Variants in ARHGEF10 observed in about 807,000 individuals in gnomAD.
The protein encoded by ARHGEF10 is Rho guanine nucleotide exchange factor 10, also known as Rho guanine nucleotide exchange factor (GEF) 10.
A neutral mutation model predicts 147.4 loss-of-function variants in ARHGEF10; 140 were observed. That is an observed-to-expected ratio of 0.95 (90% CI 0.83 to 1.09). ARHGEF10 has a LOEUF of 1.09. Ranked by LOEUF, ARHGEF10 falls within the 50% of genes least tolerant of loss-of-function variation. ARHGEF10 has a pLI of 0.00. For synonymous variants in ARHGEF10, 902 were observed against 695.8 expected, an observed-to-expected ratio of 1.30 and a Z score of -4.67; for missense variants, 2,222 against 1,752.7, an observed-to-expected ratio of 1.27 and a Z score of -4.78.
intron 4 of ARHGEF10, among the ~76,000 whole-genome samples, chr8:1,862,554 A>T (rs1291860116): frequency 6.6e-6 from 1 of 152,018 alleles, no homozygotes; most frequent in Non-Finnish European, 1.5e-5. Context: ...AATTTCCCGG[A>T]AGGCGGAGGA....
chr8:1,919,461 G>C (rs1369251459), intron 18 of ARHGEF10, among the ~76,000 whole-genome samples: 1 of 145,704 alleles, frequency 6.9e-6, no homozygotes, highest in African/African-American at 2.8e-5. Context: ...CTGTTCCATG[G>C]GTGATGGAGC....
rs1047198962 is a variant in ARHGEF10, at chr8:1,869,765, G to A, written c.679+515G>A. Reference sequence around the variant, plus strand: ...CAGGCCCAGGGTGAATCTCCCGAGAGCAACTGGAGAGAAAACATGGCTGCC... The same window carrying A: ...CAGGCCCAGGGTGAATCTCCCGAGAACAACTGGAGAGAAAACATGGCTGCC... On this transcript the variant is annotated intron_variant, in intron 7 of 28. Coordinates refer to ENST00000349830, the MANE Select transcript of ARHGEF10 (RefSeq NM_014629.4). 1.4e-5 allele frequency: 3 copies of A among 208,850 alleles called. No homozygotes were observed. The East Asian group carries it at 3.7e-4, about 26-fold the overall frequency. The allele number at this position is 208,850 out of a possible 1,614,324, so 12.9% of individuals were successfully genotyped here.
intron 1 of ARHGEF10, among the ~76,000 whole-genome samples, chr8:1,832,633 G>C (rs1229696000): frequency 2.2e-5 from 1 of 45,344 alleles, no homozygotes; most frequent in Non-Finnish European, 4.6e-5. Context: ...GAGAGAGACA[G>C]AGGCAGAGGC....
chr8:1,947,947 A>G (rs1002451861), intron 27 of ARHGEF10, among the ~76,000 whole-genome samples: 6 of 151,988 alleles, frequency 3.9e-5, no homozygotes, highest in African/African-American at 1.2e-4. Flanking sequence ...TCCTGCACCC[A>G]CCCAGAAACA....
chr8:1,895,156 C>G (rs1809870327), intron 13 of ARHGEF10, among the ~76,000 whole-genome samples: 2 of 152,218 alleles, frequency 1.3e-5, no homozygotes, highest in African/African-American at 2.4e-5. Flanking sequence ...CACTTCCTGG[C>G]AGGAGAAAGG....
At chr8:1,947,325 C>T (rs1814671413) in intron 27 of ARHGEF10, among the ~76,000 whole-genome samples, 1 of 152,156 alleles carries the variant, frequency 6.6e-6, no homozygotes, top group Non-Finnish European at 1.5e-5. Context: ...CGCAGACCTC[C>T]CTCCGGGGCG....
At chr8:1,920,645 G>T (rs1302330650) in intron 18 of ARHGEF10, among the ~76,000 whole-genome samples, 3 of 152,132 alleles carry the variant, frequency 2.0e-5, no homozygotes. Flanking sequence ...GTGTTACAAG[G>T]TTGTGTTTAT....
At position 1,869,243 on chromosome 8, in the gene ARHGEF10, T is replaced by C; in HGVS notation, c.672T>C (p.Ser224=). 1 of 1,613,850 alleles carries C rather than the reference T, an allele frequency of 6.2e-7. No individual in the cohort carries two copies. The highest frequency in any genetic ancestry group is 8.5e-7 in the Non-Finnish European group (1 of 1,179,686). ...YDDVPRENSD[S]EPDEMIYDDV... is the part of the protein sequence containing the mutation. Reference sequence around the variant, plus strand: ...ACGTTCCAAGGGAAAACTCAGACTCTGAACCAGGTTTGATTTTGTCTGGAA... The same window carrying C: ...ACGTTCCAAGGGAAAACTCAGACTCCGAACCAGGTTTGATTTTGTCTGGAA... Residue 224 remains serine (S), a synonymous_variant, in exon 7 of 29, where the codon TCT becomes TCC. Transcript: ENST00000349830.
chr8:1,922,989 A>C lies in ARHGEF10; in HGVS notation c.2169A>C (p.Gln723His). Residue 723 changes from glutamine to histidine, a missense_variant, in exon 19 of 29, where the codon CAA (glutamine) becomes CAC (histidine). Coordinates refer to ENST00000349830, the MANE Select transcript of ARHGEF10 (RefSeq NM_014629.4). ...KPNKVYMGPG[Q>H]LYQDLQNLLH... ...ACAAAGTTTACATGGGGCCAGGACA[A>C]CTGTATCAAGATTTACAAAACTTGT... The C allele has an allele frequency of 6.2e-7, 1 of 1,613,440 alleles. No individual in the cohort carries two copies. The highest frequency in any genetic ancestry group is 2.2e-5 in the East Asian group (1 of 44,830).
chr8:1,926,673 T>C (rs1014418838), intron 23 of ARHGEF10: 1 of 621,878 alleles, frequency 1.6e-6, no homozygotes, highest in African/African-American at 1.8e-5. Flanking sequence ...TATTTGTTTC[T>C]TTTCCTTTTC....
In ARHGEF10 at chr8:1,945,655, G is replaced by A. The variant is rs1814514966; in HGVS notation, c.3397G>A (p.Gly1133Arg). Residue 1133 changes from glycine (G) to arginine (R), a missense_variant and splice_region_variant, in exon 27 of 29, where the codon GGG (glycine) becomes AGG (arginine). Gly to Arg is a moderately radical substitution (Grantham distance 125). Transcript: ENST00000349830. ...CACCCCTGTTCACAACATGCTGCCA[G>A]GTAAGGGGACGGGACGGGGCCCAGG... Reference protein sequence around the residue: ...IATPVHNMLPGHQRLSVTSLL... With the variant: ...IATPVHNMLPRHQRLSVTSLL... 1.3e-5 allele frequency: 21 copies of A among 1,614,106 alleles called. No homozygotes were observed. Among genetic ancestry groups the A allele is most frequent in the Non-Finnish European group, 1.6e-5 (19 of 1,180,022 alleles).
chr8:1,848,226 C>T (rs1804706896), intron 2 of ARHGEF10, among the ~76,000 whole-genome samples: 1 of 152,234 alleles, frequency 6.6e-6, no homozygotes, highest in Non-Finnish European at 1.5e-5. Context: ...TACGCGGGGT[C>T]CTCCGTCTTA....
In ARHGEF10 at chr8:1,925,501, A is replaced by G. The variant is rs1812622165; in HGVS notation, c.2610+97A>G. 4 of 1,525,714 alleles carry G rather than the reference A, an allele frequency of 2.6e-6. 1 individual carries two copies. The highest frequency in any genetic ancestry group is 1.8e-6 in the Non-Finnish European group (2 of 1,120,124). 94.5% of individuals were successfully genotyped at this position (1,525,714 alleles called of 1,614,324 possible). Reference sequence around the variant, plus strand: ...GATTCTTAAGGGGCGTGGTCAGAACATGGTCCTCCCAGGTTCACCACAGTG... The same window carrying G: ...GATTCTTAAGGGGCGTGGTCAGAACGTGGTCCTCCCAGGTTCACCACAGTG... On this transcript the variant is annotated intron_variant, in intron 22 of 28. Coordinates refer to ENST00000349830, the MANE Select transcript of ARHGEF10 (RefSeq NM_014629.4).
chr8:1,836,602 G>A (rs1803597231), intron 1 of ARHGEF10, among the ~76,000 whole-genome samples: 1 of 152,158 alleles, frequency 6.6e-6, no homozygotes, highest in South Asian at 2.1e-4. Flanking sequence ...CAGCAGGTCG[G>A]AGTTGGGGGA....
chr8:1,865,366 C>G (rs1264933897), intron 5 of ARHGEF10, among the ~76,000 whole-genome samples: 1 of 151,078 alleles, frequency 6.6e-6, no homozygotes, highest in Non-Finnish European at 1.5e-5. Flanking sequence ...GAGGCCATCA[C>G]CAGGACACGG....
chr8:1,905,468 G>A, intron 16 of ARHGEF10, 103 bp from the exon 17 acceptor site: 2 of 1,445,782 alleles, frequency 1.4e-6, no homozygotes, highest in Admixed American at 1.7e-5. Context: ...AAAGCGCTCA[G>A]TTTGGAAAAG....
chr8:1,870,259 T>G (rs1807001008), intron 7 of ARHGEF10: 1 of 126,758 alleles, frequency 7.9e-6, no homozygotes, highest in African/African-American at 3.1e-5. Context: ...TTTTTTTTTT[T>G]GCTATGGATT....
intron 7 of ARHGEF10, chr8:1,876,312 T>G (rs901948411): frequency 1.8e-6 from 1 of 543,122 alleles, no homozygotes; most frequent in Non-Finnish European, 3.3e-6. Context: ...CAGGTGGTCC[T>G]CGGGGTACAG....
intron 18 of ARHGEF10, among the ~76,000 whole-genome samples, chr8:1,917,403 A>T (rs1811838677): frequency 6.6e-6 from 1 of 152,214 alleles, no homozygotes; most frequent in Non-Finnish European, 1.5e-5. Flanking sequence ...AGAGGCTTTA[A>T]GATGCTGTGA....
Sources: gnomAD v4.1 joint callset for allele counts (sites outside exome capture counted in the v4.1 genomes callset) on GRCh38, gnomAD v4.1.1 for gene constraint, MANE v1.5 for transcripts, NCBI Gene and HGNC (gene_info 2026-07-23, HGNC 2026-07-21) for gene names.